NCKAP5: variants seen among roughly 807,000 people sequenced by gnomAD.
The protein encoded by NCKAP5 is nck-associated protein 5.
In NCKAP5, 92 loss-of-function variants were observed where a neutral mutation model predicts 167.0. The observed-to-expected ratio is 0.55, with a 90% CI of 0.47 to 0.66. The LOEUF is 0.66. NCKAP5 is among the 30% of genes least tolerant of loss of function. The pLI, the probability that NCKAP5 is intolerant of heterozygous loss-of-function variation, is 0.00. For synonymous variants in NCKAP5, 891 were observed against 877.4 expected, an observed-to-expected ratio of 1.02 and a Z score of -0.27; for missense variants, 2,378 against 2,315.0, an observed-to-expected ratio of 1.03 and a Z score of -0.56.
At chr2:133,666,664 GAATAGATTAAATTAT>G in the NCKAP5 span, among the ~76,000 whole-genome samples, 1 of 151,476 alleles carries the variant, frequency 6.6e-6, no homozygotes, top group Non-Finnish European at 1.5e-5. Context: ...TATTTCCTTT[GAATAGATTAAATTAT>G]AATAGATTAA....
chr2:133,461,768 G>A (rs927059768), intron 3 of NCKAP5, among the ~76,000 whole-genome samples: 1 of 152,216 alleles, frequency 6.6e-6, no homozygotes, highest in Non-Finnish European at 1.5e-5. Flanking sequence ...AAGCTAGGCA[G>A]TCATCCATCC....
the NCKAP5 span, among the ~76,000 whole-genome samples, chr2:133,619,848 G>A: frequency 6.6e-6 from 1 of 152,110 alleles, no homozygotes; most frequent in Non-Finnish European, 1.5e-5. Context: ...TAAGAGCTAT[G>A]AGGCAAAAGC....
chr2:133,000,272 G>A (rs1317492402), intron 6 of NCKAP5, among the ~76,000 whole-genome samples: 1 of 152,138 alleles, frequency 6.6e-6, no homozygotes, highest in East Asian at 1.9e-4. Flanking sequence ...CACCATGACT[G>A]AACTTCATTT....
intron 6 of NCKAP5, among the ~76,000 whole-genome samples, chr2:133,024,053 A>G (rs895694645): frequency 6.6e-5 from 10 of 152,230 alleles, no homozygotes; most frequent in African/African-American, 2.4e-4. Flanking sequence ...AATGTAAACT[A>G]TATAAAAACA....
At chr2:133,513,273 G>C (rs932343249) in intron 3 of NCKAP5, among the ~76,000 whole-genome samples, 1 of 152,206 alleles carries the variant, frequency 6.6e-6, no homozygotes, top group Non-Finnish European at 1.5e-5. Context: ...TGGAGTTCTG[G>C]GGAGAGGGTT....
At chr2:133,647,815 C>T in the NCKAP5 span, among the ~76,000 whole-genome samples, 20 of 151,118 alleles carry the variant, frequency 1.3e-4, no homozygotes, top group African/African-American at 3.2e-4. Flanking sequence ...CGGGAGGAGA[C>T]GGGAAGGGCA....
chr2:133,479,189 G>A (rs1044806529), intron 3 of NCKAP5, among the ~76,000 whole-genome samples: 2 of 152,140 alleles, frequency 1.3e-5, no homozygotes, highest in Non-Finnish European at 2.9e-5. Context: ...GTTTTTGGGG[G>A]CTGTTAAAAA....
chr2:132,685,360 AAC>A (rs1395364697), intron 19 of NCKAP5, among the ~76,000 whole-genome samples: 1 of 152,222 alleles, frequency 6.6e-6, no homozygotes, highest in Admixed American at 6.5e-5. Context: ...GTCTAAAAGA[AAC>A]AGAGTGGCAC....
In NCKAP5 at chr2:132,782,388, T is replaced by C; in HGVS notation, c.4423A>G (p.Lys1475Glu). Reference protein sequence around the residue: ...EAPLSPTIEEKVMLCIQENVE... With the variant: ...EAPLSPTIEEEVMLCIQENVE... ...TTTTCCTGAATGCACAACATGACCT[T>C]TTCTTCGATTGTGGGTGAGAGGGGG... The change falls in exon 14 of 20, where the codon AAG becomes GAG. Residue 1475 changes from lysine to glutamate, a missense_variant. Around this residue, in one of 3 missense-constraint regions of NCKAP5, gnomAD observed 1,325 missense variants for 1,274.5 expected, o/e 1.04. Transcript: ENST00000409261. The C allele has an allele frequency of 1.9e-6, 3 of 1,614,068 alleles. No homozygotes were observed. The highest frequency in any genetic ancestry group is 1.7e-6 in the Non-Finnish European group (2 of 1,179,904).
chr2:132,890,946 C>T (rs1259131738), intron 8 of NCKAP5, among the ~76,000 whole-genome samples: 1 of 152,182 alleles, frequency 6.6e-6, no homozygotes, highest in Non-Finnish European at 1.5e-5. Context: ...TGTGTGAAGG[C>T]ATCCTCACAA....
intron 9 of NCKAP5, among the ~76,000 whole-genome samples, chr2:132,878,265 C>G (rs1195548850): frequency 6.6e-6 from 1 of 152,166 alleles, no homozygotes; most frequent in Non-Finnish European, 1.5e-5. Flanking sequence ...AATATTTATC[C>G]AGTTTACTCA....
intron 8 of NCKAP5, among the ~76,000 whole-genome samples, chr2:132,956,104 A>C (rs2076334923): frequency 6.6e-6 from 1 of 152,208 alleles, no homozygotes; most frequent in African/African-American, 2.4e-5. Flanking sequence ...TTCTCACCAC[A>C]AAAAATGTTA....
chr2:133,441,481 C>T (rs769036752), intron 3 of NCKAP5, among the ~76,000 whole-genome samples: 5 of 152,178 alleles, frequency 3.3e-5, no homozygotes, highest in Non-Finnish European at 7.3e-5. Context: ...CTCTATTTAA[C>T]TAACTGGAAG....
intron 3 of NCKAP5, among the ~76,000 whole-genome samples, chr2:133,472,615 C>G (rs1451115465): frequency 6.6e-6 from 1 of 152,088 alleles, no homozygotes; most frequent in Non-Finnish European, 1.5e-5. Flanking sequence ...CCTTACCTCC[C>G]CAAACATTCT....
intron 16 of NCKAP5, among the ~76,000 whole-genome samples, chr2:132,738,096 T>C (rs1404870954): frequency 6.6e-6 from 1 of 151,708 alleles, no homozygotes; most frequent in East Asian, 2.0e-4. Flanking sequence ...GCTTCTTTTT[T>C]GCTCTGACTT....
intron 16 of NCKAP5, among the ~76,000 whole-genome samples, chr2:132,757,887 C>A (rs1316795485): frequency 6.6e-6 from 1 of 152,172 alleles, no homozygotes; most frequent in African/African-American, 2.4e-5. Flanking sequence ...GATGAGTGAC[C>A]TTTTGACATC....
chr2:133,560,570 C>G (rs1315298242), intron 1 of NCKAP5, among the ~76,000 whole-genome samples: 2 of 152,168 alleles, frequency 1.3e-5, no homozygotes, highest in East Asian at 3.9e-4. Flanking sequence ...GAGAACCTTC[C>G]CCAGAAGGAG....
At chr2:133,197,601 T>C (rs1298233616) in intron 5 of NCKAP5, among the ~76,000 whole-genome samples, 2 of 151,682 alleles carry the variant, frequency 1.3e-5, no homozygotes, top group African/African-American at 2.4e-5. Flanking sequence ...AGATGTTGGT[T>C]TAAAAAAAAA....
At chr2:132,847,923 C>T (rs1035781079) in intron 11 of NCKAP5, among the ~76,000 whole-genome samples, 23 of 152,274 alleles carry the variant, frequency 1.5e-4, no homozygotes, top group African/African-American at 5.1e-4. Context: ...ATTAGAGAAT[C>T]CTTTTGGGGT....
Sources: allele counts gnomAD v4.1 joint callset (sites outside exome capture counted in the v4.1 genomes callset), GRCh38; gene constraint gnomAD v4.1.1; regional missense constraint gnomAD v4.1.1; transcripts MANE v1.5; gene names NCBI Gene and HGNC (gene_info 2026-07-23, HGNC 2026-07-21).